PDE7B: variants seen among roughly 807,000 people sequenced by gnomAD.
PDE7B encodes the protein 3',5'-cyclic-AMP phosphodiesterase 7B.
A neutral mutation model predicts 56.2 loss-of-function variants in PDE7B; 29 were observed. That is an observed-to-expected ratio of 0.52 (90% CI 0.38 to 0.70). The LOEUF is 0.70. Among genes scored for constraint, PDE7B ranks in the 30% least tolerant of loss-of-function variants. The probability of loss-of-function intolerance (pLI) is 0.00; values close to 1 mark genes in which losing one functional copy is unlikely to be tolerated. For missense variants in PDE7B, 490 were observed against 565.0 expected (o/e 0.87, Z 1.35); for synonymous variants, 197 against 196.9 (o/e 1.00, Z 0.00).
intron 1 of PDE7B, among the ~76,000 whole-genome samples, chr6:135,928,851 A>G (rs1562443095): frequency 6.6e-6 from 1 of 152,112 alleles, no homozygotes; most frequent in East Asian, 1.9e-4. Flanking sequence ...AAAACAACCT[A>G]TCAGGTACTA....
At chr6:135,926,708 T>G (rs1268511175) in intron 1 of PDE7B, among the ~76,000 whole-genome samples, 1 of 152,150 alleles carries the variant, frequency 6.6e-6, no homozygotes, top group Non-Finnish European at 1.5e-5. Context: ...TTTCTACTGC[T>G]TTCTCAAATG....
In PDE7B at chr6:136,128,364, A is replaced by T. The variant is rs183326260; in HGVS notation, c.167-18987A>T. ...AGATGGAATCTAATTTTTTAAATTA[A>T]TTCTAATGCATGAGACAAAGAAACA... On this transcript the variant is annotated intron_variant, in intron 3 of 12. Transcript: ENST00000308191. 2.8e-4 allele frequency among the ~76,000 whole-genome samples: 42 copies of T among 152,300 alleles called. 1 individual carries two copies. Among genetic ancestry groups the T allele is most frequent in the Non-Finnish European group, 4.4e-5 (3 of 68,028 alleles).
intron 3 of PDE7B, among the ~76,000 whole-genome samples, chr6:136,114,466 A>G (rs1334062819): frequency 6.6e-6 from 1 of 152,274 alleles, no homozygotes; most frequent in East Asian, 1.9e-4. Context: ...AAAGCCACTC[A>G]GTATGCTGGA....
chr6:136,123,310 A>C (rs1011855596), intron 3 of PDE7B, among the ~76,000 whole-genome samples: 4 of 152,226 alleles, frequency 2.6e-5, no homozygotes, highest in Non-Finnish European at 1.5e-5. Flanking sequence ...GAGCTGGAAG[A>C]TACCAACTCT....
chr6:135,973,512 A>G (rs1176519133), intron 2 of PDE7B, among the ~76,000 whole-genome samples: 1 of 152,138 alleles, frequency 6.6e-6, no homozygotes, highest in East Asian at 1.9e-4. Context: ...GCAGGATAGT[A>G]TTATAGTTCT....
chr6:135,859,763 T>TG (rs1775110479), intron 1 of PDE7B, among the ~76,000 whole-genome samples: 1 of 151,990 alleles, frequency 6.6e-6, no homozygotes, highest in African/African-American at 2.4e-5. Flanking sequence ...ATCAAAACAT[T>TG]GAGTTGGAGA....
At chr6:135,991,644 T>C (rs1257201715) in intron 2 of PDE7B, among the ~76,000 whole-genome samples, 6 of 152,126 alleles carry the variant, frequency 3.9e-5, no homozygotes, top group Non-Finnish European at 7.3e-5. Context: ...AGGTTAACAA[T>C]ATACTAATAA....
chr6:136,026,027 C>T (rs772928402), intron 2 of PDE7B, among the ~76,000 whole-genome samples: 1 of 151,998 alleles, frequency 6.6e-6, no homozygotes, highest in Admixed American at 6.6e-5. Context: ...GCTCCATTCA[C>T]CAATGTCACA....
chr6:135,950,640 C>T (rs1774682229), intron 2 of PDE7B, among the ~76,000 whole-genome samples: 1 of 152,116 alleles, frequency 6.6e-6, no homozygotes, highest in Admixed American at 6.6e-5. Flanking sequence ...CCTCTCTACC[C>T]ACTCACACTC....
intron 1 of PDE7B, among the ~76,000 whole-genome samples, chr6:135,896,286 G>C (rs757624654): frequency 3.3e-4 from 50 of 152,090 alleles, no homozygotes; most frequent in Non-Finnish European, 5.6e-4. Flanking sequence ...CTATGAACTT[G>C]TTCATACACG....
intron 1 of PDE7B, among the ~76,000 whole-genome samples, chr6:135,915,442 G>A (rs894093097): frequency 5.9e-5 from 9 of 152,296 alleles, no homozygotes; most frequent in Admixed American, 2.0e-4. Flanking sequence ...ATCTTTGCCA[G>A]TATTTGATGT....
chr6:136,035,509 C>T (rs1776312706), intron 2 of PDE7B, among the ~76,000 whole-genome samples: 1 of 152,184 alleles, frequency 6.6e-6, no homozygotes, highest in Non-Finnish European at 1.5e-5. Context: ...CTATGTGAGC[C>T]AGAAATACCA....
At chr6:136,025,148 G>C (rs1050151947) in intron 2 of PDE7B, among the ~76,000 whole-genome samples, 1 of 152,100 alleles carries the variant, frequency 6.6e-6, no homozygotes, top group Non-Finnish European at 1.5e-5. Flanking sequence ...AATCCCACAC[G>C]GAACTCTCTC....
chr6:136,111,768 C>A (rs1777752970), intron 3 of PDE7B, among the ~76,000 whole-genome samples: 2 of 152,246 alleles, frequency 1.3e-5, no homozygotes, highest in South Asian at 4.1e-4. Context: ...TTTACCAGCT[C>A]ATTCTTATTC....
At chr6:135,885,162 A>G (rs1284893429) in intron 1 of PDE7B, among the ~76,000 whole-genome samples, 2 of 151,990 alleles carry the variant, frequency 1.3e-5, no homozygotes, top group African/African-American at 4.8e-5. Context: ...GTAATATTTG[A>G]TATCTCTCAA....
intron 2 of PDE7B, among the ~76,000 whole-genome samples, chr6:136,003,022 A>G (rs1259599686): frequency 6.6e-6 from 1 of 151,970 alleles, no homozygotes; most frequent in Non-Finnish European, 1.5e-5. Flanking sequence ...CAGTGCAATC[A>G]AACTAGAACT....
chr6:136,132,690 C>G (rs1018381749), intron 3 of PDE7B, among the ~76,000 whole-genome samples: 1 of 152,112 alleles, frequency 6.6e-6, no homozygotes, highest in Non-Finnish European at 1.5e-5. Context: ...AATAGGAGAC[C>G]CAGTGTGTTT....
chr6:135,851,858 C>CTTTTTTT lies in PDE7B; in HGVS notation c.-134_-128dup. ...TTCTTTATTTCTTTTCCTTTTTTTTCTTTTTTTTTTTTTGTTACTTAATTA... is the reference window on the plus strand; with the variant it reads ...TTCTTTATTTCTTTTCCTTTTTTTTCTTTTTTTTTTTTTTTTTTTTGTTACTTAATTA... On this transcript the variant is annotated 5_prime_UTR_variant, in exon 1 of 13. Coordinates refer to ENST00000308191, the MANE Select transcript of PDE7B (RefSeq NM_018945.4). 3.9e-6 allele frequency: 2 copies of CTTTTTTT among 508,638 alleles called. No homozygotes were observed. Among genetic ancestry groups the CTTTTTTT allele is most frequent in the Admixed American group, 3.0e-5 (1 of 32,930 alleles). 31.5% of individuals were successfully genotyped at this position (508,638 alleles called of 1,614,324 possible).
At chr6:135,959,219 T>C (rs1233463096) in intron 2 of PDE7B, among the ~76,000 whole-genome samples, 4 of 152,122 alleles carry the variant, frequency 2.6e-5, no homozygotes, top group African/African-American at 9.7e-5. Flanking sequence ...GAAATGCTAA[T>C]AGGATATAGA....
Sources: allele counts gnomAD v4.1 joint callset (sites outside exome capture counted in the v4.1 genomes callset), GRCh38; gene constraint gnomAD v4.1.1; transcripts MANE v1.5; gene names NCBI Gene and HGNC (gene_info 2026-07-23, HGNC 2026-07-21).